FGF12: variants seen among roughly 807,000 people sequenced by gnomAD.
The protein encoded by FGF12 is fibroblast growth factor 12B.
FGF12 carries 14 observed loss-of-function variants against 23.6 expected under a neutral mutation model. The observed-to-expected ratio is 0.59, with a 90% CI of 0.39 to 0.93. The LOEUF is 0.93. Ranked by LOEUF, FGF12 falls within the 40% of genes least tolerant of loss-of-function variation. The probability of loss-of-function intolerance (pLI) is 0.00; values close to 1 mark genes in which losing one functional copy is unlikely to be tolerated. For missense variants in FGF12, 175 were observed against 217.8 expected (o/e 0.80, Z 1.24); for synonymous variants, 62 against 77.3 (o/e 0.80, Z 1.04).
At chr3:192,461,431 G>A (rs990797126) in intron 2 of FGF12, among the ~76,000 whole-genome samples, 7 of 152,098 alleles carry the variant, frequency 4.6e-5, no homozygotes, top group Admixed American at 4.6e-4. Flanking sequence ...CCTAAAGTAA[G>A]AGAAGAGTAC....
intron 2 of FGF12, among the ~76,000 whole-genome samples, chr3:192,399,214 G>A (rs909129732): frequency 2.0e-5 from 3 of 152,128 alleles, no homozygotes; most frequent in Non-Finnish European, 4.4e-5. Flanking sequence ...ATGATGTTAG[G>A]AAGTGGAAGA....
intron 4 of FGF12, among the ~76,000 whole-genome samples, chr3:192,262,604 G>C (rs1712827754): frequency 6.6e-6 from 1 of 152,064 alleles, no homozygotes; most frequent in Non-Finnish European, 1.5e-5. Flanking sequence ...ACAGTATTCA[G>C]TACCACACCA....
intron 2 of FGF12, among the ~76,000 whole-genome samples, chr3:192,429,707 C>A (rs970281423): frequency 1.3e-5 from 2 of 152,058 alleles, no homozygotes; most frequent in Non-Finnish European, 2.9e-5. Context: ...TTGTACTATA[C>A]ATTGGTGCTT....
intron 4 of FGF12, among the ~76,000 whole-genome samples, chr3:192,304,220 C>G (rs1388639920): frequency 1.3e-5 from 2 of 152,138 alleles, no homozygotes; most frequent in Non-Finnish European, 2.9e-5. Context: ...GGATCTTGCA[C>G]AAAACTCTCT....
chr3:192,205,285 G>GAGACTACCTAAAGGGT (rs1198118355), intron 4 of FGF12, among the ~76,000 whole-genome samples: 1 of 152,122 alleles, frequency 6.6e-6, no homozygotes, highest in Non-Finnish European at 1.5e-5. Flanking sequence ...CCTAGAATTA[G>GAGACTACCTAAAGGGT]AGACATCTAC....
In FGF12 at chr3:192,507,768, G is replaced by A. The variant is rs76735727; in HGVS notation, c.14-147230C>T. The stretch of plus-strand genomic sequence containing the variant: ...TTAATCTTCTGGCCTCAGCCTTTTA[G>A]GAACTGGAACTACAGGCACATCTAC... On this transcript the variant is annotated intron_variant, in intron 2 of 5. Coordinates refer to ENST00000445105, the MANE Select transcript of FGF12 (RefSeq NM_004113.6). Among the ~76,000 whole-genome samples the A allele has an allele frequency of 2.6e-3, 400 of 152,262 alleles. 8 individuals are homozygous for A. The East Asian group carries it at 0.043, about 16-fold the overall frequency.
At chr3:192,442,612 G>A (rs1722232436) in intron 2 of FGF12, among the ~76,000 whole-genome samples, 1 of 152,132 alleles carries the variant, frequency 6.6e-6, no homozygotes, top group Non-Finnish European at 1.5e-5. Context: ...AGATGATAAA[G>A]AAATGTGAAT....
At chr3:192,204,213 A>C (rs1434718944) in intron 4 of FGF12, among the ~76,000 whole-genome samples, 1 of 152,198 alleles carries the variant, frequency 6.6e-6, no homozygotes, top group Non-Finnish European at 1.5e-5. Context: ...GATCTGAGCA[A>C]AAAGATGAAA....
At chr3:192,664,609 A>AAAAAAAAAAAAAC (rs1716793307) in intron 2 of FGF12, among the ~76,000 whole-genome samples, 1 of 146,092 alleles carries the variant, frequency 6.8e-6, no homozygotes. Context: ...AAAATACAAA[A>AAAAAAAAAAAAAC]AAAAAAAAAA....
chr3:192,418,818 C>T lies in FGF12; in HGVS notation c.14-58280G>A, dbSNP rs1218916349. Among the ~76,000 whole-genome samples the T allele has an allele frequency of 3.3e-5, 5 of 152,178 alleles. No homozygotes were observed. The East Asian group carries it at 5.8e-4, about 18-fold the overall frequency. On this transcript the variant is annotated intron_variant, in intron 2 of 5. Transcript: ENST00000445105. The stretch of plus-strand genomic sequence containing the variant: ...AAGTTTCCAGAGGTCTCCCAAGCTA[C>T]GCTTCCTGTACAGTCTGCAGAACCG...
At chr3:192,161,505 T>TACACACAC (rs10543146) in intron 5 of FGF12, among the ~76,000 whole-genome samples, 5,249 of 149,648 alleles carry the variant, frequency 0.035, 252 homozygotes, top group East Asian at 0.25. Flanking sequence ...AACGCCTATT[T>TACACACAC]ACACACACAC....
intron 2 of FGF12, among the ~76,000 whole-genome samples, chr3:192,701,804 AT>A (rs1718307008): frequency 6.6e-6 from 1 of 152,236 alleles, no homozygotes; most frequent in African/African-American, 2.4e-5. Flanking sequence ...ATGTTTTCAT[AT>A]ATAGTGAAAT....
intron 2 of FGF12, among the ~76,000 whole-genome samples, chr3:192,697,205 C>T (rs916851132): frequency 6.6e-6 from 1 of 152,148 alleles, no homozygotes; most frequent in Non-Finnish European, 1.5e-5. Flanking sequence ...ACTAGAGGGG[C>T]TCTGAGGAAC....
intron 3 of FGF12, among the ~76,000 whole-genome samples, chr3:192,348,323 A>G (rs1033059926): frequency 6.6e-6 from 1 of 152,172 alleles, no homozygotes; most frequent in Non-Finnish European, 1.5e-5. Context: ...CACTCTATCT[A>G]GGCTGCTGAA....
At chr3:192,460,676 A>ACACATT (rs1491260156) in intron 2 of FGF12, among the ~76,000 whole-genome samples, 2 of 129,726 alleles carry the variant, frequency 1.5e-5, no homozygotes, top group African/African-American at 6.2e-5. Context: ...ACACACACAC[A>ACACATT]TATATTTATA....
At chr3:192,562,834 T>C (rs751506714) in intron 2 of FGF12, among the ~76,000 whole-genome samples, 1 of 152,014 alleles carries the variant, frequency 6.6e-6, no homozygotes, top group Non-Finnish European at 1.5e-5. Context: ...CTATGTTTCA[T>C]CCACTAAGCT....
At chr3:192,167,366 G>A (rs1278355015) in intron 5 of FGF12, among the ~76,000 whole-genome samples, 1 of 151,860 alleles carries the variant, frequency 6.6e-6, no homozygotes, top group African/African-American at 2.4e-5. Flanking sequence ...GTTGGATCAT[G>A]GGCAGAAGGG....
At chr3:192,551,407 AAAGAT>A (rs1313364944) in intron 2 of FGF12, among the ~76,000 whole-genome samples, 1 of 152,242 alleles carries the variant, frequency 6.6e-6, no homozygotes. Context: ...CCCTTGGCCA[AAAGAT>A]GGGCTACTTT....
chr3:192,429,793 G>T (rs1576975786), intron 2 of FGF12, among the ~76,000 whole-genome samples: 2 of 151,576 alleles, frequency 1.3e-5, no homozygotes. Context: ...CGCCATTCTG[G>T]AAAAAAAATG....
Sources: gnomAD v4.1 joint callset for allele counts (sites outside exome capture counted in the v4.1 genomes callset) on GRCh38, gnomAD v4.1.1 for gene constraint, MANE v1.5 for transcripts, NCBI Gene and HGNC (gene_info 2026-07-23, HGNC 2026-07-21) for gene names.